NLGN1: variants seen among roughly 807,000 people sequenced by gnomAD.
The protein encoded by NLGN1 is neuroligin-1.
A neutral mutation model predicts 65.5 loss-of-function variants in NLGN1; 12 were observed. The observed-to-expected ratio is 0.18, with a 90% CI of 0.12 to 0.30. The LOEUF (loss-of-function observed/expected upper bound fraction) is 0.30. Ranked by LOEUF, NLGN1 falls within the 10% of genes least tolerant of loss-of-function variation. The probability of loss-of-function intolerance (pLI) is 1.00; values close to 1 mark genes in which losing one functional copy is unlikely to be tolerated. For synonymous variants in NLGN1, 350 were observed against 359.5 expected (o/e 0.97, Z 0.30); for missense variants, 750 against 1,007.1 (o/e 0.74, Z 3.46).
rs144565285 is a variant in NLGN1, at chr3:173,859,105, C to T, written c.646+51273C>T. 2.0e-4 allele frequency among the ~76,000 whole-genome samples: 30 copies of T among 151,916 alleles called. No homozygotes were observed. The East Asian group carries it at 5.8e-3, about 29-fold the overall frequency. The stretch of plus-strand genomic sequence containing the variant: ...GCCTCCCTTTGCACGTCAATAAAAC[C>T]TGAAATGCTTCAGGGAAAGAAAAAA... On this transcript the variant is annotated intron_variant, in intron 4 of 6. Coordinates refer to ENST00000457714, the Ensembl canonical transcript of NLGN1.
chr3:173,815,126 TC>T (rs1718769862), intron 4 of NLGN1, among the ~76,000 whole-genome samples: 1 of 151,308 alleles, frequency 6.6e-6, no homozygotes, highest in East Asian at 1.9e-4. Context: ...CCTTCCTTTT[TC>T]TTTTTTTTTT....
chr3:174,008,328 A>T (rs1724859049), intron 4 of NLGN1, among the ~76,000 whole-genome samples: 4 of 151,866 alleles, frequency 2.6e-5, no homozygotes, highest in African/African-American at 9.7e-5. Context: ...TGTCATTGAG[A>T]TGGGAATAAT....
intron 3 of NLGN1, among the ~76,000 whole-genome samples, chr3:173,618,096 C>T (rs1405386582): frequency 5.9e-5 from 9 of 152,204 alleles, no homozygotes; most frequent in African/African-American, 9.6e-5. Context: ...ATAGCTTCTC[C>T]AATGGCCTGT....
chr3:173,749,079 C>T (rs900364316), intron 3 of NLGN1, among the ~76,000 whole-genome samples: 20 of 152,112 alleles, frequency 1.3e-4, no homozygotes, highest in South Asian at 4.1e-4. Context: ...CATCATTTAT[C>T]GGTGAATACA....
intron 4 of NLGN1, among the ~76,000 whole-genome samples, chr3:174,183,222 TC>T (rs1443788967): frequency 6.6e-6 from 1 of 152,106 alleles, no homozygotes; most frequent in Non-Finnish European, 1.5e-5. Context: ...AGTTCCCTCC[TC>T]CACAGGGCCT....
Position 173,420,853 on chromosome 3 carries a change from T to G in NLGN1, c.-389-14157T>G, listed in dbSNP as rs561638179. Among the ~76,000 whole-genome samples, 3 of 152,336 alleles carry G rather than the reference T, an allele frequency of 2.0e-5. No individual in the cohort carries two copies. In the South Asian group the frequency reaches 6.2e-4, roughly 32 times the overall value. ...ATGTGTACTTTTTCATGTACAAAAT[T>G]TTTACACATAGTTGAATCTTCTGGA... On this transcript the variant is annotated intron_variant, in intron 1 of 6. Coordinates refer to ENST00000457714, the Ensembl canonical transcript of NLGN1.
chr3:173,747,564 T>C (rs1379895128), intron 3 of NLGN1, among the ~76,000 whole-genome samples: 1 of 150,380 alleles, frequency 6.6e-6, no homozygotes, highest in Non-Finnish European at 1.5e-5. Flanking sequence ...CAAGGGTATA[T>C]TTTTTCTTCG....
At chr3:174,112,093 C>T (rs184592908) in intron 4 of NLGN1, among the ~76,000 whole-genome samples, 13 of 151,818 alleles carry the variant, frequency 8.6e-5, no homozygotes, top group Admixed American at 7.9e-4. Context: ...AAAGTAATGT[C>T]TGAATAATTA....
Position 173,723,957 on chromosome 3 carries a change from A to G in NLGN1, c.494-83723A>G, listed in dbSNP as rs531221053. On this transcript the variant is annotated intron_variant, in intron 3 of 6. Coordinates refer to ENST00000457714, the Ensembl canonical transcript of NLGN1. ...GAAGATAGAAATGACAAGATTATTG[A>G]TAATTGGATGAAAGGGATAGGAGAA... Among the ~76,000 whole-genome samples, 6 of 152,334 alleles carry G rather than the reference A, an allele frequency of 3.9e-5. No homozygotes were observed. The South Asian group carries it at 1.2e-3, about 32-fold the overall frequency.
At chr3:174,055,822 A>C (rs1735935725) in intron 4 of NLGN1, among the ~76,000 whole-genome samples, 1 of 151,966 alleles carries the variant, frequency 6.6e-6, no homozygotes, top group South Asian at 2.1e-4. Flanking sequence ...AATCATTCTC[A>C]TACCTGACTT....
At chr3:174,196,304 T>C (rs1733395664) in intron 4 of NLGN1, among the ~76,000 whole-genome samples, 1 of 149,306 alleles carries the variant, frequency 6.7e-6, no homozygotes, top group Non-Finnish European at 1.5e-5. Flanking sequence ...TCTGTACATC[T>C]ATTTTTTTTC....
At chr3:174,258,629 A>G (rs1213539246) in intron 4 of NLGN1, among the ~76,000 whole-genome samples, 3 of 152,194 alleles carry the variant, frequency 2.0e-5, no homozygotes, top group Non-Finnish European at 4.4e-5. Flanking sequence ...ACATTTCTTC[A>G]CTAATCTTTT....
At chr3:174,054,619 A>T (rs1735634216) in intron 4 of NLGN1, among the ~76,000 whole-genome samples, 1 of 151,982 alleles carries the variant, frequency 6.6e-6, no homozygotes. Context: ...TTTCATTTCT[A>T]ATCCACTGTG....
At chr3:173,478,274 C>T (rs910826900) in intron 2 of NLGN1, among the ~76,000 whole-genome samples, 5 of 152,080 alleles carry the variant, frequency 3.3e-5, no homozygotes, top group Non-Finnish European at 7.4e-5. Context: ...GATCTGGAAG[C>T]CATTATCCTC....
At chr3:173,687,027 C>G (rs1257299802) in intron 3 of NLGN1, among the ~76,000 whole-genome samples, 2 of 151,858 alleles carry the variant, frequency 1.3e-5, no homozygotes, top group Non-Finnish European at 2.9e-5. Flanking sequence ...AACAAGTATC[C>G]AGGAGGAGTG....
chr3:173,575,201 T>TAAAAAATA (rs2149345103), intron 2 of NLGN1, among the ~76,000 whole-genome samples: 1 of 151,604 alleles, frequency 6.6e-6, no homozygotes, highest in East Asian at 1.9e-4. Context: ...AAATAAAAAA[T>TAAAAAATA]AAAAAATAAA....
chr3:174,246,445 G>A (rs1007199425), intron 4 of NLGN1, among the ~76,000 whole-genome samples: 5 of 152,056 alleles, frequency 3.3e-5, no homozygotes, highest in African/African-American at 9.7e-5. Context: ...ATAGAGACAG[G>A]TTCTCACTCT....
intron 3 of NLGN1, among the ~76,000 whole-genome samples, chr3:173,746,247 G>A (rs938454974): frequency 1.3e-5 from 2 of 151,972 alleles, no homozygotes; most frequent in Non-Finnish European, 2.9e-5. Flanking sequence ...GAGCAACCTA[G>A]TGAGACCCTA....
chr3:173,791,171 A>G (rs1276189720), intron 3 of NLGN1, among the ~76,000 whole-genome samples: 1 of 152,152 alleles, frequency 6.6e-6, no homozygotes. Context: ...TTTCTTAATC[A>G]TGCTACAGTA....
Sources: allele counts gnomAD v4.1 joint callset (sites outside exome capture counted in the v4.1 genomes callset), GRCh38; gene constraint gnomAD v4.1.1; transcripts MANE v1.5; gene names NCBI Gene and HGNC (gene_info 2026-07-23, HGNC 2026-07-21).